The following EIF4B variants were observed in gnomAD, a reference collection of about 807,000 sequenced individuals.
EIF4B encodes the protein eukaryotic translation initiation factor 4B.
In EIF4B, 8 loss-of-function variants were observed where a neutral mutation model predicts 79.3. That is an observed-to-expected ratio of 0.10 (90% CI 0.06 to 0.18). EIF4B has a LOEUF of 0.18. Ranked by LOEUF, EIF4B falls within the 10% of genes least tolerant of loss-of-function variation. The probability of loss-of-function intolerance (pLI) is 1.00; values close to 1 mark genes in which losing one functional copy is unlikely to be tolerated. For synonymous variants in EIF4B, 238 were observed against 274.7 expected (o/e 0.87, Z 1.32); for missense variants, 515 against 792.4 (o/e 0.65, Z 4.20).
chr12:53,012,636 C>T (rs1355730824), intron 1 of EIF4B, among the ~76,000 whole-genome samples: 2 of 143,026 alleles, frequency 1.4e-5, no homozygotes, highest in East Asian at 2.1e-4. Context: ...GACGGAGTCT[C>T]GCTTTGTAGC....
chr12:53,009,012 G>A (rs1045106193), intron 1 of EIF4B, among the ~76,000 whole-genome samples: 19 of 152,076 alleles, frequency 1.2e-4, no homozygotes, highest in Non-Finnish European at 2.6e-4. Flanking sequence ...TCCAGCCTGG[G>A]CAAAAGAGCA....
At chr12:53,011,974 C>T (rs1250339429) in intron 1 of EIF4B, 11 of 152,170 alleles carry the variant, frequency 7.2e-5, no homozygotes, top group Admixed American at 6.5e-4. Context: ...GAGCATTAAA[C>T]AGTGCTTTAC....
intron 2 of EIF4B, among the ~76,000 whole-genome samples, chr12:53,017,600 C>T (rs1005095864): frequency 6.6e-6 from 1 of 151,956 alleles, no homozygotes; most frequent in East Asian, 1.9e-4. Flanking sequence ...TTCCTAAAAA[C>T]AGGAAATTTT....
At chr12:53,021,091 A>G (rs944899933) in intron 4 of EIF4B, among the ~76,000 whole-genome samples, 1 of 152,216 alleles carries the variant, frequency 6.6e-6, no homozygotes, top group African/African-American at 2.4e-5. Flanking sequence ...TGTAGATTCT[A>G]CTATGAAATG....
chr12:53,025,142 G>T (rs1232390368), intron 6 of EIF4B: 7 of 438,706 alleles, frequency 1.6e-5, no homozygotes, highest in Admixed American at 2.6e-5. Context: ...CTTTTTACAT[G>T]ACTTTGTGAC....
intron 13 of EIF4B, 114 bp downstream of exon 13, chr12:53,039,457 T>A (rs192874870): frequency 2.5e-6 from 3 of 1,219,452 alleles, no homozygotes; most frequent in Non-Finnish European, 3.4e-6. Flanking sequence ...CAAACTAAAG[T>A]CAGCCAACGT....
At chr12:53,034,421 T>C (rs889313578) in intron 9 of EIF4B, among the ~76,000 whole-genome samples, 191 bp from the exon 10 acceptor site, 1 of 152,250 alleles carries the variant, frequency 6.6e-6, no homozygotes, top group African/African-American at 2.4e-5. Context: ...ATTAGTTGAT[T>C]CTTGCTGAAG....
At chr12:53,035,175 A>AC (rs752625022) in intron 10 of EIF4B, among the ~76,000 whole-genome samples, 11 of 151,668 alleles carry the variant, frequency 7.3e-5, no homozygotes, top group Non-Finnish European at 1.6e-4. Flanking sequence ...GTTCAATTGT[A>AC]ATACCTCCCT....
intron 1 of EIF4B, among the ~76,000 whole-genome samples, chr12:53,015,999 A>C (rs1467969451): frequency 6.7e-6 from 1 of 150,254 alleles, no homozygotes; most frequent in African/African-American, 2.4e-5. Flanking sequence ...AAAAAAAGAC[A>C]GTTGTGATTC....
Position 53,018,791 on chromosome 12 carries a change from A to C in EIF4B, c.152-7A>C, listed in dbSNP as rs1943188861. 2 of 1,612,122 alleles carry C rather than the reference A, an allele frequency of 1.2e-6. No homozygotes were observed. Among genetic ancestry groups the C allele is most frequent in the East Asian group, 4.5e-5 (2 of 44,870 alleles). ...TCTAATTTCTTACATTCATTCCTCTATCCTAGTTTCGACCACTTGGCACAG... is the reference window on the plus strand; with the variant it reads ...TCTAATTTCTTACATTCATTCCTCTCTCCTAGTTTCGACCACTTGGCACAG... On this transcript the variant is annotated splice_region_variant and splice_polypyrimidine_tract_variant and intron_variant, in intron 2 of 14. Transcript: ENST00000262056.
intron 6 of EIF4B, among the ~76,000 whole-genome samples, chr12:53,025,496 C>T (rs1040248363): frequency 6.6e-6 from 1 of 152,136 alleles, no homozygotes; most frequent in Non-Finnish European, 1.5e-5. Context: ...TATGAAATGT[C>T]AGTAATAGCA....
At chr12:53,008,044 T>TTCA (rs1185283009) in intron 1 of EIF4B, among the ~76,000 whole-genome samples, 1 of 152,216 alleles carries the variant, frequency 6.6e-6, no homozygotes, top group African/African-American at 2.4e-5. Context: ...TACAAAAATG[T>TTCA]TCATATTTTT....
chr12:53,036,715 A>T (rs1003178359), intron 10 of EIF4B, among the ~76,000 whole-genome samples: 1 of 151,848 alleles, frequency 6.6e-6, no homozygotes, highest in African/African-American at 2.4e-5. Flanking sequence ...TGCATTTTTT[A>T]AAAAACGCAC....
chr12:53,022,765 T>G (rs759949495), intron 6 of EIF4B, 138 bp downstream of exon 6: 35 of 1,153,532 alleles, frequency 3.0e-5, no homozygotes, highest in Non-Finnish European at 4.0e-5. Flanking sequence ...TTGGATAGTA[T>G]CTGAAAGAAC....
chr12:53,019,675 C>T (rs370135397), intron 3 of EIF4B, among the ~76,000 whole-genome samples: 11 of 132,334 alleles, frequency 8.3e-5, no homozygotes, highest in South Asian at 2.5e-4. Flanking sequence ...CTGAATTAAT[C>T]TTTTTTTTTT....
rs1943373230 is a variant in EIF4B at position 53,028,168 on chromosome 12, A to T, written c.959A>T (p.Asp320Val). The change falls in exon 8 of 15, where the codon GAT (aspartate) becomes GTT (valine). Residue 320 changes from aspartate to valine, a missense_variant. By Grantham distance (152) the Asp-to-Val change is radical. Around this residue, in one of 6 missense-constraint regions of EIF4B, gnomAD observed 187 missense variants for 256.5 expected, o/e 0.73. Transcript: ENST00000262056. ...WSSRDDYSRD[D>V]YRRDDRGPPQ... ...TCCAGAGATGATTACTCTCGGGATG[A>T]TTATAGGCGTGATGATAGAGGTAAT... The T allele has an allele frequency of 6.2e-7, 1 of 1,603,300 alleles. No homozygotes were observed. The highest frequency in any genetic ancestry group is 8.5e-7 in the Non-Finnish European group (1 of 1,176,764).
intron 8 of EIF4B, among the ~76,000 whole-genome samples, chr12:53,032,669 G>GT (rs779279397): frequency 0.2 from 26,120 of 132,136 alleles, 3,816 homozygotes; most frequent in East Asian, 0.54. Context: ...GGGTTTTTTT[G>GT]TTTTTTTTTT....
intron 12 of EIF4B, chr12:53,038,960 A>G (rs762645428): frequency 7.4e-6 from 2 of 271,872 alleles, no homozygotes; most frequent in Non-Finnish European, 1.4e-5. Context: ...AAATTAACCA[A>G]GGTCACTACA....
At chr12:53,016,371 C>T in intron 1 of EIF4B, 102 bp from the exon 2 acceptor site, 3 of 1,456,398 alleles carry the variant, frequency 2.1e-6, no homozygotes. Context: ...TGAGGAGCGT[C>T]CATGTTATTT....
Sources: allele counts gnomAD v4.1 joint callset (sites outside exome capture counted in the v4.1 genomes callset), GRCh38; gene constraint gnomAD v4.1.1; regional missense constraint gnomAD v4.1.1; transcripts MANE v1.5; gene names NCBI Gene and HGNC (gene_info 2026-07-23, HGNC 2026-07-21).